ZBTB10: variants seen among roughly 807,000 people sequenced by gnomAD.
ZBTB10 encodes zinc finger and BTB domain-containing protein 10.
ZBTB10 carries 32 observed loss-of-function variants against 76.4 expected under a neutral mutation model. The observed-to-expected ratio is 0.42, with a 90% CI of 0.32 to 0.56. The LOEUF is 0.56. ZBTB10 is among the 20% of genes least tolerant of loss of function. The pLI is 0.14. For missense variants in ZBTB10, 1,057 were observed against 1,098.5 expected (o/e 0.96, Z 0.53); for synonymous variants, 523 against 432.9 (o/e 1.21, Z -2.58).
intron 2 of ZBTB10, 28 bp downstream of exon 2, chr8:80,500,410 C>T (rs1217401024): frequency 2.0e-6 from 3 of 1,468,408 alleles, no homozygotes; most frequent in African/African-American, 1.4e-5. Context: ...AAGGATACTT[C>T]CTTGTTCATC....
At position 80,487,652 on chromosome 8, in the gene ZBTB10, A is replaced by T. The variant is rs374345035; in HGVS notation, c.842A>T (p.Asp281Val). Residue 281 changes from aspartate to valine, a missense_variant, in exon 1 of 6, where the codon GAT (aspartate) becomes GTT (valine). Physicochemically the swap from Asp to Val is radical, Grantham distance 152 (BLOSUM62 -3). Transcript: ENST00000455036. ...GGCTGGTGCCAAAAGACCCCTGCAG[A>T]TGGGGGAAGCGTGGACCTTCCCCCA... ...SCGWCQKTPA[D>V]GGSVDLPPVG... The T allele has an allele frequency of 1.2e-6, 2 of 1,613,796 alleles. No homozygotes were observed. Among genetic ancestry groups the T allele is most frequent in the African/African-American group, 2.7e-5 (2 of 74,906 alleles).
intron 1 of ZBTB10, 134 bp from the exon 2 acceptor site, chr8:80,499,360 T>A: frequency 1.0e-6 from 1 of 999,350 alleles, no homozygotes; most frequent in East Asian, 2.7e-5. Flanking sequence ...CACTGTTCAC[T>A]CCATTTCTTG....
intron 1 of ZBTB10, among the ~76,000 whole-genome samples, chr8:80,489,736 C>T (rs1237920197): frequency 2.0e-5 from 3 of 152,138 alleles, no homozygotes; most frequent in East Asian, 3.8e-4. Context: ...CTTTAAATTC[C>T]CCCATCAATG....
In ZBTB10 at chr8:80,524,215, G is replaced by A. The variant is rs925604072; in HGVS notation, c.*4687G>A. The A allele has an allele frequency of 1.3e-5, 2 of 151,850 alleles. No homozygotes were observed. Among genetic ancestry groups the A allele is most frequent in the Non-Finnish European group, 2.9e-5 (2 of 67,860 alleles). 9.4% of individuals were successfully genotyped at this position (151,850 alleles called of 1,614,324 possible). On this transcript the variant is annotated 3_prime_UTR_variant, in exon 6 of 6. Transcript: ENST00000455036. ...CTTAAGGCTTACAAGTTTGAATTAT[G>A]GAATACTATAAGGGTTTTTTGTTTA...
chr8:80,500,290 C>T lies in ZBTB10; in HGVS notation c.1769C>T (p.Pro590Leu). 1.3e-6 allele frequency: 2 copies of T among 1,576,402 alleles called. No individual in the cohort carries two copies. Among genetic ancestry groups the T allele is most frequent in the East Asian group, 2.3e-5 (1 of 42,940 alleles). ...AAAAGATTTATTTATAATATTCCAC[C>T]TAATAATGAAACGAATTTAGAAGAT... ...TTKRFIYNIP[P>L]NNETNLEDCS... The change falls in exon 2 of 6, where the codon CCT (proline) becomes CTT (leucine). Residue 590 changes from proline to leucine, a missense_variant. Pro to Leu is a moderately conservative substitution (Grantham distance 98). Transcript: ENST00000455036.
In ZBTB10 at chr8:80,519,539, A is replaced by G. The variant is rs377087465; in HGVS notation, c.*11A>G. 7.5e-6 allele frequency: 12 copies of G among 1,599,224 alleles called. No individual in the cohort carries two copies. The African/African-American group carries it at 9.4e-5, about 12-fold the overall frequency. On this transcript the variant is annotated 3_prime_UTR_variant, in exon 6 of 6. Transcript: ENST00000455036. ...TCTCTAGATGATTAACTGACCTACT[A>G]TACTCCTCAAGGATGCTGCATTTGG...
At position 80,523,439 on chromosome 8, in the gene ZBTB10, C is replaced by T. The variant is rs1816489011; in HGVS notation, c.*3911C>T. 1 of 151,904 alleles carries T rather than the reference C, an allele frequency of 6.6e-6. No homozygotes were observed. Among genetic ancestry groups the T allele is most frequent in the Non-Finnish European group, 1.5e-5 (1 of 67,890 alleles). 9.4% of individuals were successfully genotyped at this position (151,904 alleles called of 1,614,324 possible). A position where few individuals can be genotyped will look rare whatever the true frequency, so the allele number is the denominator to read the frequency against. ...TTAAGACACATCAGTGTAGCACATG[C>T]TCTTAACTGGCTGTGGCATTTTAAT... On this transcript the variant is annotated 3_prime_UTR_variant, in exon 6 of 6. Transcript: ENST00000455036.
intron 2 of ZBTB10, among the ~76,000 whole-genome samples, chr8:80,510,852 A>G (rs1474797754): frequency 6.6e-6 from 1 of 152,138 alleles, no homozygotes; most frequent in Non-Finnish European, 1.5e-5. Flanking sequence ...GGTGTATTAG[A>G]GTTTATTTTG....
At chr8:80,493,916 C>G (rs1485430037) in intron 1 of ZBTB10, among the ~76,000 whole-genome samples, 1 of 152,212 alleles carries the variant, frequency 6.6e-6, no homozygotes, top group African/African-American at 2.4e-5. Flanking sequence ...AGTACTTAAG[C>G]TACCAAAGAG....
chr8:80,503,059 T>C (rs1207314796), intron 2 of ZBTB10, among the ~76,000 whole-genome samples: 1 of 152,198 alleles, frequency 6.6e-6, no homozygotes, highest in East Asian at 1.9e-4. Flanking sequence ...TCAGCAAATA[T>C]TACTATATTG....
chr8:80,498,721 C>CT (rs1815848520), intron 1 of ZBTB10, among the ~76,000 whole-genome samples: 1 of 152,182 alleles, frequency 6.6e-6, no homozygotes. Flanking sequence ...TACTTTTATT[C>CT]TTACGATTAT....
At chr8:80,495,994 GT>G (rs1000062502) in intron 1 of ZBTB10, among the ~76,000 whole-genome samples, 1 of 152,144 alleles carries the variant, frequency 6.6e-6, no homozygotes, top group African/African-American at 2.4e-5. Flanking sequence ...AGCTAATTGT[GT>G]TTTCCTTTTT....
Position 80,518,594 on chromosome 8 carries a change from A to T in ZBTB10, c.2137+15A>T. ...CTGGGAAAATGGCAAGTATTAGTCAACTAAACAAATACAGAATTAATTAAA... is the reference window on the plus strand; with the variant it reads ...CTGGGAAAATGGCAAGTATTAGTCATCTAAACAAATACAGAATTAATTAAA... On this transcript the variant is annotated intron_variant, in intron 4 of 5. Transcript: ENST00000455036. 1 of 1,540,776 alleles carries T rather than the reference A, an allele frequency of 6.5e-7. No homozygotes were observed. Among genetic ancestry groups the T allele is most frequent in the Non-Finnish European group, 8.7e-7 (1 of 1,144,132 alleles).
At chr8:80,501,789 C>T (rs1328091932) in intron 2 of ZBTB10, among the ~76,000 whole-genome samples, 2 of 151,874 alleles carry the variant, frequency 1.3e-5, no homozygotes, top group Non-Finnish European at 2.9e-5. Context: ...CAATAAAATC[C>T]CTGAGACAAT....
chr8:80,518,500 A>G lies in ZBTB10; in HGVS notation c.2058A>G (p.Gly686=), dbSNP rs1816385221. Residue 686 remains glycine (G), a synonymous_variant, in exon 4 of 6, where the codon GGA becomes GGG. Transcript: ENST00000455036. The part of the protein sequence containing the change: ...IPGTSNDFKY[G]LIPGASNDFK... Reference sequence around the variant, plus strand: ...GTACTTCAAATGATTTCAAGTATGGATTGATACCAGGTGCTTCAAATGATT... The same window carrying G: ...GTACTTCAAATGATTTCAAGTATGGGTTGATACCAGGTGCTTCAAATGATT... 1.9e-6 allele frequency: 3 copies of G among 1,553,434 alleles called. No individual in the cohort carries two copies. The highest frequency in any genetic ancestry group is 1.7e-6 in the Non-Finnish European group (2 of 1,148,028).
In ZBTB10 at chr8:80,492,645, A is replaced by G. The variant is rs543519723; in HGVS notation, c.972+4863A>G. ...AGGCACATGCCACCATGCTAGGCTA[A>G]TTTTTGTATTTCTAGTAGAGACGGG... On this transcript the variant is annotated intron_variant, in intron 1 of 5. Coordinates refer to ENST00000455036, the MANE Select transcript of ZBTB10 (RefSeq NM_001105539.3). 3.9e-5 allele frequency among the ~76,000 whole-genome samples: 6 copies of G among 151,968 alleles called. No homozygotes were observed. In the East Asian group the frequency reaches 1.2e-3, roughly 30 times the overall value.
At chr8:80,502,495 A>G (rs1815949572) in intron 2 of ZBTB10, among the ~76,000 whole-genome samples, 1 of 152,120 alleles carries the variant, frequency 6.6e-6, no homozygotes, top group Non-Finnish European at 1.5e-5. Flanking sequence ...TGGCCTCCCA[A>G]CATGTTGGGA....
At position 80,499,761 on chromosome 8, in the gene ZBTB10, G is replaced by A. The variant is rs1384454978; in HGVS notation, c.1240G>A (p.Val414Ile). ...TACTACCCACTTAGATATTGCTGCA[G>A]TTCAAGGTTTTTCAGTCATCTTGGA... Reference protein sequence around the residue: ...NNTTHLDIAAVQGFSVILDFL... With the variant: ...NNTTHLDIAAIQGFSVILDFL... The change falls in exon 2 of 6, where the codon GTT becomes ATT. Residue 414 changes from valine (V) to isoleucine (I), a missense_variant. Physicochemically the swap from Val to Ile is conservative, Grantham distance 29. Around this residue, in one of 5 missense-constraint regions of ZBTB10, gnomAD observed 86 missense variants for 145.7 expected, o/e 0.59. Coordinates refer to ENST00000455036, the MANE Select transcript of ZBTB10 (RefSeq NM_001105539.3). 3 of 1,613,854 alleles carry A rather than the reference G, an allele frequency of 1.9e-6. No homozygotes were observed. Among genetic ancestry groups the A allele is most frequent in the Non-Finnish European group, 2.5e-6 (3 of 1,179,886 alleles).
At chr8:80,493,667 CA>C (rs113190537) in intron 1 of ZBTB10, among the ~76,000 whole-genome samples, 51 of 130,354 alleles carry the variant, frequency 3.9e-4, no homozygotes, top group South Asian at 1.5e-3. Context: ...AAAAACAAAA[CA>C]AAAAAAAAAA....
Sources: allele counts gnomAD v4.1 joint callset (sites outside exome capture counted in the v4.1 genomes callset), GRCh38; gene constraint gnomAD v4.1.1; regional missense constraint gnomAD v4.1.1; transcripts MANE v1.5; gene names NCBI Gene and HGNC (gene_info 2026-07-23, HGNC 2026-07-21).